HCN1: variants seen among roughly 807,000 people sequenced by gnomAD.
The protein encoded by HCN1 is hyperpolarization activated cyclic nucleotide gated potassium channel 1.
HCN1 carries 13 observed loss-of-function variants against 78.9 expected under a neutral mutation model. The observed-to-expected ratio is 0.16, with a 90% CI of 0.11 to 0.26. The LOEUF (loss-of-function observed/expected upper bound fraction) is 0.26, where lower values mean the gene tolerates loss of function less well. HCN1 is among the 10% of genes least tolerant of loss of function. HCN1 has a pLI of 1.00. For missense variants in HCN1, 810 were observed against 1,154.3 expected (o/e 0.70, Z 4.32); for synonymous variants, 552 against 455.5 (o/e 1.21, Z -2.70).
chr5:45,627,837 G>A (rs1429505242), intron 2 of HCN1, among the ~76,000 whole-genome samples: 1 of 152,148 alleles, frequency 6.6e-6, no homozygotes, highest in Non-Finnish European at 1.5e-5. Flanking sequence ...TTATCCATGA[G>A]CTTGTGTACA....
At chr5:45,564,096 A>T (rs541878113) in intron 2 of HCN1, among the ~76,000 whole-genome samples, 15 of 152,292 alleles carry the variant, frequency 9.8e-5, no homozygotes, top group African/African-American at 3.6e-4. Flanking sequence ...GACAAAATGT[A>T]ATTTGTTAAG....
At chr5:45,304,535 G>A (rs1239205354) in intron 5 of HCN1, among the ~76,000 whole-genome samples, 1 of 152,032 alleles carries the variant, frequency 6.6e-6, no homozygotes, top group Non-Finnish European at 1.5e-5. Context: ...AATTAGCTGG[G>A]TGTGCTGGTG....
chr5:45,590,427 G>A (rs1388537844), intron 2 of HCN1, among the ~76,000 whole-genome samples: 1 of 152,158 alleles, frequency 6.6e-6, no homozygotes, highest in African/African-American at 2.4e-5. Flanking sequence ...GAATGTTTGT[G>A]AGGTTATCAA....
chr5:45,371,880 GAAAT>G (rs1282428871), intron 4 of HCN1, among the ~76,000 whole-genome samples: 3 of 97,000 alleles, frequency 3.1e-5, no homozygotes, highest in Non-Finnish European at 5.4e-5. Flanking sequence ...TATTATATAT[GAAAT>G]AAATATAATA....
intron 5 of HCN1, among the ~76,000 whole-genome samples, chr5:45,337,861 C>A (rs576734974): frequency 6.6e-6 from 1 of 151,996 alleles, no homozygotes; most frequent in Non-Finnish European, 1.5e-5. Context: ...TAGTTATCTG[C>A]TAAAGGTGTT....
chr5:45,643,189 A>G (rs1745486772), intron 2 of HCN1: 1 of 152,140 alleles, frequency 6.6e-6, no homozygotes, highest in African/African-American at 2.4e-5. Context: ...GCCAGAAGCC[A>G]AAGGACATTG....
chr5:45,524,511 T>C (rs1742687485), intron 2 of HCN1, among the ~76,000 whole-genome samples: 1 of 152,142 alleles, frequency 6.6e-6, no homozygotes, highest in Non-Finnish European at 1.5e-5. Context: ...TGTTCTTCCA[T>C]TTGTATCCTC....
intron 2 of HCN1, among the ~76,000 whole-genome samples, chr5:45,550,543 G>A (rs567557463): frequency 1.3e-5 from 2 of 152,194 alleles, no homozygotes; most frequent in East Asian, 3.9e-4. Context: ...TATACCTAAT[G>A]TAAATGACGA....
chr5:45,316,574 C>A (rs567335376), intron 5 of HCN1, among the ~76,000 whole-genome samples: 1 of 151,994 alleles, frequency 6.6e-6, no homozygotes, highest in African/African-American at 2.4e-5. Flanking sequence ...GGCAATCAGG[C>A]AGGAGAAAGA....
chr5:45,573,268 G>A (rs1743869608), intron 2 of HCN1, among the ~76,000 whole-genome samples: 1 of 151,900 alleles, frequency 6.6e-6, no homozygotes, highest in South Asian at 2.1e-4. Context: ...TAAGAACATA[G>A]GCACCACTGC....
chr5:45,459,390 A>G (rs1741096984), intron 3 of HCN1, among the ~76,000 whole-genome samples: 1 of 150,024 alleles, frequency 6.7e-6, no homozygotes, highest in Non-Finnish European at 1.5e-5. Context: ...CTTCATATGT[A>G]AATCTGCAGC....
chr5:45,497,543 T>C lies in HCN1; in HGVS notation c.850-35536A>G, dbSNP rs572136548. 5.9e-5 allele frequency among the ~76,000 whole-genome samples: 9 copies of C among 152,348 alleles called. No individual in the cohort carries two copies. In the South Asian group the frequency reaches 1.4e-3, roughly 25 times the overall value. ...TTGCAACCCCTGCCTTTTTTTGTTT[T>C]CCATTGGCTTGGTAGACCTTCCTCC... On this transcript the variant is annotated intron_variant, in intron 2 of 7. Transcript: ENST00000303230.
At chr5:45,278,439 G>GC (rs1227006956) in intron 6 of HCN1, among the ~76,000 whole-genome samples, 1 of 152,072 alleles carries the variant, frequency 6.6e-6, no homozygotes, top group Non-Finnish European at 1.5e-5. Flanking sequence ...TATTACCACT[G>GC]CCCAATCAAG....
At chr5:45,666,136 T>C (rs151319326) in intron 1 of HCN1, among the ~76,000 whole-genome samples, 354 of 152,194 alleles carry the variant, frequency 2.3e-3, no homozygotes, top group African/African-American at 8.1e-3. Context: ...CTATGAATCT[T>C]AGAATGTGTT....
At chr5:45,346,513 C>A (rs1308918300) in intron 5 of HCN1, among the ~76,000 whole-genome samples, 2 of 152,132 alleles carry the variant, frequency 1.3e-5, no homozygotes, top group Non-Finnish European at 2.9e-5. Context: ...ACAGTGGGCA[C>A]AGGACAGTAG....
At chr5:45,379,138 A>G (rs1217547834) in intron 4 of HCN1, among the ~76,000 whole-genome samples, 2 of 152,104 alleles carry the variant, frequency 1.3e-5, no homozygotes, top group African/African-American at 4.8e-5. Flanking sequence ...TATATAACCA[A>G]TAATGGGATG....
intron 2 of HCN1, among the ~76,000 whole-genome samples, chr5:45,466,995 C>G (rs1467288496): frequency 6.6e-6 from 1 of 152,108 alleles, no homozygotes; most frequent in African/African-American, 2.4e-5. Flanking sequence ...TGTCCATAGT[C>G]CAAAAGCAAT....
At chr5:45,284,825 T>C (rs975994363) in intron 6 of HCN1, among the ~76,000 whole-genome samples, 2 of 152,184 alleles carry the variant, frequency 1.3e-5, no homozygotes, top group Admixed American at 6.5e-5. Flanking sequence ...GTCACAGTCA[T>C]TAATTTGGAG....
chr5:45,550,421 T>G (rs1743341417), intron 2 of HCN1, among the ~76,000 whole-genome samples: 1 of 152,116 alleles, frequency 6.6e-6, no homozygotes, highest in African/African-American at 2.4e-5. Flanking sequence ...CCACATGTTC[T>G]CATTCATAGG....
Sources: allele counts gnomAD v4.1 joint callset (sites outside exome capture counted in the v4.1 genomes callset), GRCh38; gene constraint gnomAD v4.1.1; transcripts MANE v1.5; gene names NCBI Gene and HGNC (gene_info 2026-07-23, HGNC 2026-07-21).